Variants in HDAC9 observed in about 807,000 individuals in gnomAD.
HDAC9 encodes histone deacetylase 9, also known as MEF-2 interacting transcription repressor (MITR) protein.
HDAC9 carries 41 observed loss-of-function variants against 139.4 expected under a neutral mutation model. The ratio of observed to expected loss-of-function variants is 0.29; its 90% CI spans 0.23 to 0.38. HDAC9 has a LOEUF of 0.38. Among genes scored for constraint, HDAC9 ranks in the 10% least tolerant of loss-of-function variants. The probability of loss-of-function intolerance (pLI) is 1.00; values close to 1 mark genes in which losing one functional copy is unlikely to be tolerated. For synonymous variants in HDAC9, 517 were observed against 476.2 expected, an observed-to-expected ratio of 1.09 and a Z score of -1.12; for missense variants, 1,147 against 1,297.0, an observed-to-expected ratio of 0.88 and a Z score of 1.78.
intron 14 of HDAC9, among the ~76,000 whole-genome samples, chr7:18,758,157 G>C (rs1034701546): frequency 2.0e-5 from 3 of 152,170 alleles, no homozygotes; most frequent in Non-Finnish European, 4.4e-5. Flanking sequence ...CTAGGCCTGT[G>C]TTGGTAAGGC....
intron 2 of HDAC9, among the ~76,000 whole-genome samples, chr7:18,523,868 G>A (rs1265402924): frequency 6.6e-6 from 1 of 151,976 alleles, no homozygotes; most frequent in African/African-American, 2.4e-5. Context: ...CAGATGAGGA[G>A]ATTTAAATGT....
chr7:18,961,435 G>A (rs1046237133), intron 24 of HDAC9, among the ~76,000 whole-genome samples: 6 of 152,126 alleles, frequency 3.9e-5, no homozygotes, highest in Admixed American at 2.0e-4. Context: ...CAGCTCCCAC[G>A]ATAGGAAATT....
chr7:18,533,298 T>G (rs1303196042), intron 2 of HDAC9, among the ~76,000 whole-genome samples: 1 of 152,180 alleles, frequency 6.6e-6, no homozygotes, highest in Non-Finnish European at 1.5e-5. Context: ...TGCTTTAGGC[T>G]CCCCACTCAT....
intron 12 of HDAC9, among the ~76,000 whole-genome samples, chr7:18,694,029 T>G (rs1163325896): frequency 6.6e-6 from 1 of 152,172 alleles, no homozygotes; most frequent in Non-Finnish European, 1.5e-5. Flanking sequence ...ACATCTTGAA[T>G]TGCTAGTACA....
intron 2 of HDAC9, among the ~76,000 whole-genome samples, chr7:18,199,082 G>C (rs1211163724): frequency 6.6e-6 from 1 of 151,604 alleles, no homozygotes; most frequent in Non-Finnish European, 1.5e-5. Flanking sequence ...TTGTCATTAA[G>C]TTTTTTGTTT....
intron 2 of HDAC9, among the ~76,000 whole-genome samples, chr7:18,262,532 A>T (rs1795747188): frequency 1.3e-5 from 2 of 152,190 alleles, no homozygotes; most frequent in Admixed American, 6.5e-5. Flanking sequence ...CACAATTCAA[A>T]TCCACATGAA....
rs564122676 is a variant in HDAC9 at position 18,924,412 on chromosome 7, C to T, written c.2804-11397C>T. ...AAATGGTTGCTTGTAACTTACAATT[C>T]GGAGGGTTCCTGAACCTCGACTTAT... On this transcript the variant is annotated intron_variant, in intron 22 of 25. Transcript: ENST00000686413. Among the ~76,000 whole-genome samples, 11 of 152,110 alleles carry T rather than the reference C, an allele frequency of 7.2e-5. No homozygotes were observed. In the East Asian group the frequency reaches 1.2e-3, roughly 16 times the overall value.
intron 22 of HDAC9, among the ~76,000 whole-genome samples, chr7:18,887,553 A>G (rs893969781): frequency 1.3e-5 from 2 of 152,202 alleles, no homozygotes; most frequent in African/African-American, 4.8e-5. Context: ...ATGGACCTAA[A>G]TAAAATGCTT....
At chr7:18,482,519 A>C (rs1439533162) in intron 1 of HDAC9, among the ~76,000 whole-genome samples, 2 of 151,540 alleles carry the variant, frequency 1.3e-5, no homozygotes, top group Non-Finnish European at 2.9e-5. Flanking sequence ...ATCTTCCAGC[A>C]ATAAATACTT....
chr7:18,465,383 T>A (rs1228285725), intron 1 of HDAC9, among the ~76,000 whole-genome samples: 1 of 152,128 alleles, frequency 6.6e-6, no homozygotes, highest in Non-Finnish European at 1.5e-5. Context: ...TTGCTTACTT[T>A]CCCCACAAAG....
chr7:18,388,978 T>C (rs1221154076), intron 1 of HDAC9, among the ~76,000 whole-genome samples: 1 of 152,224 alleles, frequency 6.6e-6, no homozygotes, highest in East Asian at 1.9e-4. Flanking sequence ...TTGCAGTCAG[T>C]GGCAAAAATC....
rs201356051 is a variant in HDAC9, at chr7:18,861,308, TTTG to T, written c.2685-13164_2685-13162del. ...CTCCAAACTAAGCATGTTTCAACAT[TTTG>T]TTGTTTCTTTCTAGACTAGATTTCA... On this transcript the variant is annotated intron_variant, in intron 21 of 25. Coordinates refer to ENST00000686413, the MANE Select transcript of HDAC9 (RefSeq NM_178425.4). 1.6e-3 allele frequency among the ~76,000 whole-genome samples: 249 copies of T among 152,278 alleles called. 3 individuals carry two copies. The East Asian group carries it at 0.02, about 12-fold the overall frequency.
At chr7:18,417,189 T>C (rs1323804700) in intron 1 of HDAC9, among the ~76,000 whole-genome samples, 1 of 152,220 alleles carries the variant, frequency 6.6e-6, no homozygotes, top group African/African-American at 2.4e-5. Flanking sequence ...ACTAATCTTT[T>C]CTTCTGCATT....
chr7:18,469,143 G>T (rs1794532220), intron 1 of HDAC9, among the ~76,000 whole-genome samples: 1 of 152,216 alleles, frequency 6.6e-6, no homozygotes, highest in African/African-American at 2.4e-5. Flanking sequence ...CCATTGGCCA[G>T]TGTGACTAAA....
At chr7:18,865,870 C>T (rs996158090) in intron 21 of HDAC9, among the ~76,000 whole-genome samples, 3 of 151,854 alleles carry the variant, frequency 2.0e-5, no homozygotes, top group Non-Finnish European at 4.4e-5. Context: ...ATGATGCTTT[C>T]ATGCAATGAC....
chr7:18,230,075 T>C (rs1793345437), intron 2 of HDAC9, among the ~76,000 whole-genome samples: 1 of 152,180 alleles, frequency 6.6e-6, no homozygotes, highest in Non-Finnish European at 1.5e-5. Flanking sequence ...GGGTGCAGGT[T>C]GGGATGAGGA....
chr7:18,241,165 A>G (rs778207563), intron 2 of HDAC9, among the ~76,000 whole-genome samples: 18 of 152,186 alleles, frequency 1.2e-4, no homozygotes, highest in Non-Finnish European at 2.6e-4. Flanking sequence ...ACTTTCACTT[A>G]AGTTACACTG....
Position 18,797,899 on chromosome 7 carries a change from C to G in HDAC9, c.2322+4447C>G, listed in dbSNP as rs544451276. Among the ~76,000 whole-genome samples the G allele has an allele frequency of 2.6e-5, 4 of 151,670 alleles. No homozygotes were observed. The East Asian group carries it at 7.7e-4, about 29-fold the overall frequency. ...TGCTTTTTGCTTTATAAAAATGGAA[C>G]CTTATCGAATATATTCTTCTTCAGC... On this transcript the variant is annotated intron_variant, in intron 17 of 25. Coordinates refer to ENST00000686413, the MANE Select transcript of HDAC9 (RefSeq NM_178425.4).
intron 17 of HDAC9, among the ~76,000 whole-genome samples, chr7:18,827,157 T>C (rs992262067): frequency 2.6e-5 from 4 of 151,884 alleles, no homozygotes; most frequent in African/African-American, 2.4e-5. Context: ...TTCCTTCGTA[T>C]ATATTATACT....
Sources: allele counts gnomAD v4.1 joint callset (sites outside exome capture counted in the v4.1 genomes callset), GRCh38; gene constraint gnomAD v4.1.1; transcripts MANE v1.5; gene names NCBI Gene and HGNC (gene_info 2026-07-23, HGNC 2026-07-21).